Variants in PTP4A3 observed in about 807,000 individuals in gnomAD.
PTP4A3 encodes protein tyrosine phosphatase type IVA 3.
A neutral mutation model predicts 15.2 loss-of-function variants in PTP4A3; 9 were observed. The ratio of observed to expected loss-of-function variants is 0.59; its 90% CI spans 0.36 to 1.03. PTP4A3 has a LOEUF of 1.03. Among genes scored for constraint, PTP4A3 ranks in the 50% least tolerant of loss-of-function variants. The pLI is 0.02. For missense variants in PTP4A3, 234 were observed against 252.1 expected (o/e 0.93, Z 0.49); for synonymous variants, 95 against 102.0 (o/e 0.93, Z 0.41).
Position 141,421,973 on chromosome 8 carries a change from G to A in PTP4A3, c.-268G>A, listed in dbSNP as rs1280929885. 4.6e-6 allele frequency: 2 copies of A among 436,514 alleles called. No homozygotes were observed. Among genetic ancestry groups the A allele is most frequent in the African/African-American group, 4.1e-5 (2 of 48,528 alleles). The allele number at this position is 436,514 out of a possible 1,614,324, so 27.0% of individuals were successfully genotyped here. A position where few individuals can be genotyped will look rare whatever the true frequency, so the allele number is the denominator to read the frequency against. ...CTTTACTTTGGTTGGGTTGGGGGGGGCGGCGGGCTGTTTTGTTCCTTTTCT... is the reference window on the plus strand; with the variant it reads ...CTTTACTTTGGTTGGGTTGGGGGGGACGGCGGGCTGTTTTGTTCCTTTTCT... On this transcript the variant is annotated 5_prime_UTR_variant, in exon 2 of 6. Transcript: ENST00000521578.
intron 5 of PTP4A3, among the ~76,000 whole-genome samples, chr8:141,430,268 A>AGG (rs1312096052): frequency 7.2e-6 from 1 of 138,170 alleles, no homozygotes; most frequent in Non-Finnish European, 1.5e-5. Flanking sequence ...TGGTGGGGAC[A>AGG]GGGTGAGCAC....
rs752025617 is a variant in PTP4A3 at position 141,422,227 on chromosome 8, C to T, written c.-14C>T. ...GCAGTCCCTTCTGCCCTGCCGGGCC[C>T]GTCGGGAGGCGCCATGGCTCGGATG... On this transcript the variant is annotated 5_prime_UTR_variant, in exon 2 of 6. Transcript: ENST00000521578. The T allele has an allele frequency of 1.6e-5, 26 of 1,612,648 alleles. No individual in the cohort carries two copies. Among genetic ancestry groups the T allele is most frequent in the South Asian group, 9.9e-5 (9 of 91,074 alleles).
At chr8:141,428,123 G>A (rs1191604227) in intron 5 of PTP4A3, among the ~76,000 whole-genome samples, 1 of 152,062 alleles carries the variant, frequency 6.6e-6, no homozygotes, top group Non-Finnish European at 1.5e-5. Context: ...GGGGGTGGAA[G>A]GACCCCCAGA....
chr8:141,414,061 CGTGT>C (rs10571256), intron 1 of PTP4A3, among the ~76,000 whole-genome samples: 35 of 150,168 alleles, frequency 2.3e-4, no homozygotes, highest in South Asian at 1.3e-3. Context: ...GTTTCTGTGG[CGTGT>C]GTGTGTGTGT....
intron 1 of PTP4A3, among the ~76,000 whole-genome samples, chr8:141,393,561 G>A (rs900290796): frequency 2.0e-5 from 3 of 152,338 alleles, no homozygotes; most frequent in African/African-American, 7.2e-5. Context: ...GGCAGGTTGC[G>A]GACAGGCCCC....
chr8:141,393,519 T>G (rs1340557312), intron 1 of PTP4A3, among the ~76,000 whole-genome samples: 1 of 152,196 alleles, frequency 6.6e-6, no homozygotes, highest in Non-Finnish European at 1.5e-5. Flanking sequence ...ATGCTGGACC[T>G]GGAGATGGGG....
chr8:141,399,757 G>A (rs1342860935), intron 1 of PTP4A3, among the ~76,000 whole-genome samples: 1 of 152,232 alleles, frequency 6.6e-6, no homozygotes, highest in Admixed American at 6.5e-5. Flanking sequence ...TGTGACCTGG[G>A]GGAGGGCTGT....
rs562573709 is a variant in PTP4A3 at position 141,406,347 on chromosome 8, C to G, written c.-854+14263C>G. 2.6e-5 allele frequency among the ~76,000 whole-genome samples: 4 copies of G among 152,084 alleles called. No individual in the cohort carries two copies. Among genetic ancestry groups the G allele is most frequent in the Admixed American group, 2.6e-4 (4 of 15,280 alleles). On this transcript the variant is annotated intron_variant, in intron 1 of 5. Transcript: ENST00000521578. This position sits in a 1 kb window ranked among gnomAD's most constrained non-coding sequence, Gnocchi z 4.5. ...GGACTGGGGATTGTGGAGGCCTGTCCGTGCCCTGAAGCACTTCTGAGAAGC... is the reference window on the plus strand; with the variant it reads ...GGACTGGGGATTGTGGAGGCCTGTCGGTGCCCTGAAGCACTTCTGAGAAGC...
At chr8:141,396,509 C>A (rs1290408104) in intron 1 of PTP4A3, among the ~76,000 whole-genome samples, 1 of 152,172 alleles carries the variant, frequency 6.6e-6, no homozygotes, top group Non-Finnish European at 1.5e-5. Flanking sequence ...GCATTCCTCT[C>A]TCACCGAGCC....
chr8:141,426,394 C>T (rs183122069), intron 3 of PTP4A3: 57 of 975,960 alleles, frequency 5.8e-5, no homozygotes, highest in African/African-American at 1.6e-4. Flanking sequence ...GGCCGGGGCC[C>T]GGTGGAACCG....
chr8:141,430,172 T>C (rs1187439884), intron 5 of PTP4A3, among the ~76,000 whole-genome samples: 15 of 118,468 alleles, frequency 1.3e-4, no homozygotes, highest in South Asian at 3.2e-4. Flanking sequence ...GAGCACACAG[T>C]CCGGGTCCCC....
intron 1 of PTP4A3, among the ~76,000 whole-genome samples, chr8:141,394,179 C>A (rs902506508): frequency 3.9e-5 from 6 of 152,192 alleles, no homozygotes; most frequent in Non-Finnish European, 8.8e-5. Flanking sequence ...GGAGGCCTCT[C>A]CCTGGTTGGC....
At chr8:141,427,452 A>G (rs1586569106) in intron 4 of PTP4A3, among the ~76,000 whole-genome samples, 1 of 152,180 alleles carries the variant, frequency 6.6e-6, no homozygotes, top group East Asian at 1.9e-4. Context: ...CCATCTGCAG[A>G]GGGAGACCCA....
At chr8:141,417,511 C>T (rs933542730) in intron 1 of PTP4A3, among the ~76,000 whole-genome samples, 4 of 152,122 alleles carry the variant, frequency 2.6e-5, no homozygotes, top group African/African-American at 9.7e-5. Context: ...CAAAGCTGGG[C>T]GCGCTCTGTC....
Position 141,425,743 on chromosome 8 carries a change from C to T in PTP4A3, c.198+603C>T, listed in dbSNP as rs1357427834. 6.6e-6 allele frequency among the ~76,000 whole-genome samples: 1 copy of T among 152,222 alleles called. No individual in the cohort carries two copies. Among genetic ancestry groups the T allele is most frequent in the African/African-American group, 2.4e-5 (1 of 41,452 alleles). Reference sequence around the variant, plus strand: ...CCCAGCTGCGCCTGGGCCTCAGTCTCCTCAGTGCGGAGCACCCCTCAGTCA... The same window carrying T: ...CCCAGCTGCGCCTGGGCCTCAGTCTTCTCAGTGCGGAGCACCCCTCAGTCA... On this transcript the variant is annotated intron_variant, in intron 3 of 5. Coordinates refer to ENST00000521578, the MANE Select transcript of PTP4A3 (RefSeq NM_032611.3). The surrounding 1 kb of genome is among the most constrained non-coding windows in gnomAD (Gnocchi z 4.2).
chr8:141,426,512 T>C (rs1171719884), intron 3 of PTP4A3: 2 of 985,312 alleles, frequency 2.0e-6, no homozygotes, highest in Non-Finnish European at 2.4e-6. Flanking sequence ...CAGCCATCTT[T>C]GCATGCCAGC....
At chr8:141,392,843 T>G (rs1378717582) in intron 1 of PTP4A3, among the ~76,000 whole-genome samples, 1 of 152,190 alleles carries the variant, frequency 6.6e-6, no homozygotes, top group Non-Finnish European at 1.5e-5. Flanking sequence ...TGGCCCTCTG[T>G]GATAGCGGCT....
At chr8:141,417,735 T>C (rs1563732939) in intron 1 of PTP4A3, among the ~76,000 whole-genome samples, 1 of 151,812 alleles carries the variant, frequency 6.6e-6, no homozygotes, top group African/African-American at 2.4e-5. Context: ...TTCCCTTTCC[T>C]GGCTGGGCTT....
chr8:141,426,651 G>C (rs978151593), intron 3 of PTP4A3: 2 of 985,442 alleles, frequency 2.0e-6, no homozygotes, highest in Non-Finnish European at 2.4e-6. Context: ...GGATTTGTGC[G>C]ACTCTGGAGC....
Sources: allele counts gnomAD v4.1 joint callset (sites outside exome capture counted in the v4.1 genomes callset), GRCh38; gene constraint gnomAD v4.1.1; non-coding constraint Gnocchi (gnomAD v3.1); transcripts MANE v1.5; gene names NCBI Gene and HGNC (gene_info 2026-07-23, HGNC 2026-07-21).